Variants in ATAD5 observed in about 807,000 individuals in gnomAD.
The protein encoded by ATAD5 is ATPase family AAA domain containing 5, also known as ATPase family AAA domain-containing protein 5.
In ATAD5, 58 loss-of-function variants were observed where a neutral mutation model predicts 176.9. That is an observed-to-expected ratio of 0.33 (90% CI 0.27 to 0.41). ATAD5 has a LOEUF of 0.41. Among genes scored for constraint, ATAD5 ranks in the 10% least tolerant of loss-of-function variants. The pLI is 1.00. For synonymous variants in ATAD5, 640 were observed against 712.6 expected, an observed-to-expected ratio of 0.90 and a Z score of 1.62; for missense variants, 1,789 against 2,094.1, an observed-to-expected ratio of 0.85 and a Z score of 2.84.
intron 6 of ATAD5, among the ~76,000 whole-genome samples, chr17:30,848,012 G>T (rs892785150): frequency 1.3e-5 from 2 of 152,086 alleles, no homozygotes; most frequent in East Asian, 3.9e-4. Context: ...GAGCCACCGC[G>T]CTCCGCCTGA....
Position 30,835,311 on chromosome 17 carries a change from A to C in ATAD5, c.1230A>C (p.Pro410=). The C allele has an allele frequency of 1.9e-6, 3 of 1,614,106 alleles. No individual in the cohort carries two copies. Among genetic ancestry groups the C allele is most frequent in the Non-Finnish European group, 1.7e-6 (2 of 1,180,012 alleles). Residue 410 remains proline, a synonymous_variant, in exon 2 of 23, where the codon CCA becomes CCC. Transcript: ENST00000321990. ...AATTTATGAAAGCATTTAGGCAGCC[A>C]GCATCAGATGCACTTAAAAATGGAG... is the stretch of plus-strand genomic sequence containing the variant. ...RQQFMKAFRQ[P]ASDALKNGVK...
In ATAD5 at chr17:30,855,184, G is replaced by A. The variant is rs752287873; in HGVS notation, c.2492G>A (p.Cys831Tyr). 1.9e-6 allele frequency: 3 copies of A among 1,612,122 alleles called. No individual in the cohort carries two copies. Among genetic ancestry groups the A allele is most frequent in the East Asian group, 2.2e-5 (1 of 44,882 alleles). The change falls in exon 7 of 23, where the codon TGT becomes TAT. Residue 831 changes from cysteine (C) to tyrosine (Y), a missense_variant. By Grantham distance (194) the Cys-to-Tyr change is radical. This residue lies in a region of ATAD5 where 487 missense variants were observed against 573.6 expected (regional missense o/e 0.85). Coordinates refer to ENST00000321990, the MANE Select transcript of ATAD5 (RefSeq NM_024857.5). ...SEKSQDCDVQ[C>Y]KAKRDFLMSG... ...AAATCTCAGGATTGTGATGTTCAAT[G>A]TAAAGCAAAGCGTGACTTCCTAATG...
At chr17:30,845,889 G>A (rs559652264) in intron 6 of ATAD5, among the ~76,000 whole-genome samples, 1 of 152,244 alleles carries the variant, frequency 6.6e-6, no homozygotes, top group Non-Finnish European at 1.5e-5. Context: ...GTGAGAGTGT[G>A]GGAGAGGAAG....
At chr17:30,858,012 G>A in intron 8 of ATAD5, 149 bp from the exon 9 acceptor site, 2 of 568,268 alleles carry the variant, frequency 3.5e-6, no homozygotes, top group East Asian at 3.6e-5. Context: ...CCAAAGTGCT[G>A]GGAATATAGG....
intron 18 of ATAD5, among the ~76,000 whole-genome samples, chr17:30,886,080 C>T (rs1273799662): frequency 6.6e-6 from 1 of 151,710 alleles, no homozygotes; most frequent in East Asian, 1.9e-4. Flanking sequence ...GATGTATTAT[C>T]CACTTTATAT....
intron 6 of ATAD5, among the ~76,000 whole-genome samples, chr17:30,852,137 GTCTCC>G (rs889350466): frequency 6.6e-6 from 1 of 152,030 alleles, no homozygotes; most frequent in African/African-American, 2.4e-5. Context: ...GAGCTTTTTT[GTCTCC>G]TCAGTTTATC....
At chr17:30,843,874 T>C (rs1171787233) in intron 4 of ATAD5, 39 bp from the exon 5 acceptor site, 3 of 1,135,544 alleles carry the variant, frequency 2.6e-6, no homozygotes, top group African/African-American at 3.2e-5. Context: ...ATATTAATTA[T>C]ATGATTTAAT....
At chr17:30,884,787 G>T (rs1462622723) in intron 18 of ATAD5, among the ~76,000 whole-genome samples, 1 of 129,636 alleles carries the variant, frequency 7.7e-6, no homozygotes, top group Non-Finnish European at 1.6e-5. Flanking sequence ...TTGCTGTGTC[G>T]CCCAGGCTGG....
intron 14 of ATAD5, among the ~76,000 whole-genome samples, chr17:30,875,933 C>G (rs923573022): frequency 1.3e-5 from 2 of 151,428 alleles, no homozygotes; most frequent in African/African-American, 4.9e-5. Context: ...GTCAGGAGAT[C>G]GAGACCATCC....
intron 20 of ATAD5, 118 bp from the exon 21 acceptor site, chr17:30,893,175 GA>G: frequency 9.9e-7 from 1 of 1,007,146 alleles, no homozygotes; most frequent in Non-Finnish European, 1.4e-6. Flanking sequence ...ATAAAATTAT[GA>G]GGGGTAGTGA....
chr17:30,895,391 G>GT lies in ATAD5; in HGVS notation c.*486dup, dbSNP rs36112780. The GT allele has an allele frequency of 0.22, 32,467 of 144,590 alleles. 5,089 individuals carry two copies. The highest frequency in any genetic ancestry group is 0.74 in the East Asian group (3,658 of 4,956). The allele number at this position is 144,590 out of a possible 1,614,324, so 9.0% of individuals were successfully genotyped here. A position where few individuals can be genotyped will look rare whatever the true frequency, so the allele number is the denominator to read the frequency against. ...AAGTTAAGGATCCTCATATTGTACA[G>GT]TTTTTTTTGTGTGCTTTTTTTTTTT... On this transcript the variant is annotated 3_prime_UTR_variant, in exon 23 of 23. Coordinates refer to ENST00000321990, the MANE Select transcript of ATAD5 (RefSeq NM_024857.5).
chr17:30,849,714 A>G (rs1199140155), intron 6 of ATAD5, among the ~76,000 whole-genome samples: 2 of 152,174 alleles, frequency 1.3e-5, no homozygotes, highest in East Asian at 3.8e-4. Flanking sequence ...TTGCAAATAT[A>G]TTACCTTGCC....
At chr17:30,890,420 T>C (rs1279762255) in intron 19 of ATAD5, among the ~76,000 whole-genome samples, 2 of 131,664 alleles carry the variant, frequency 1.5e-5, no homozygotes, top group East Asian at 4.3e-4. Flanking sequence ...CTTCTTTTCT[T>C]TTTTTTTTTT....
intron 8 of ATAD5, among the ~76,000 whole-genome samples, chr17:30,857,865 C>G (rs1166747208): frequency 1.3e-5 from 2 of 151,692 alleles, no homozygotes; most frequent in Non-Finnish European, 2.9e-5. Context: ...CTCAGCTCCC[C>G]CTAGTAGCTG....
chr17:30,870,022 G>A (rs1220116627), intron 14 of ATAD5, among the ~76,000 whole-genome samples: 1 of 152,094 alleles, frequency 6.6e-6, no homozygotes, highest in Non-Finnish European at 1.5e-5. Context: ...GTTGATGTGG[G>A]AGGTTCACTT....
Position 30,875,217 on chromosome 17 carries a change from C to G in ATAD5, c.3608-1157C>G, listed in dbSNP as rs573534448. Among the ~76,000 whole-genome samples, 12 of 152,112 alleles carry G rather than the reference C, an allele frequency of 7.9e-5. 1 individual carries two copies. In the South Asian group the frequency reaches 2.3e-3, roughly 29 times the overall value. ...ATTTGTAAGGACTAAATCCAGGTAC[C>G]TAGAGGGGAAGAGAGGATGTATTAT... On this transcript the variant is annotated intron_variant, in intron 14 of 22. Coordinates refer to ENST00000321990, the MANE Select transcript of ATAD5 (RefSeq NM_024857.5).
intron 19 of ATAD5, among the ~76,000 whole-genome samples, chr17:30,890,838 C>G (rs1395608693): frequency 6.6e-6 from 1 of 151,718 alleles, no homozygotes; most frequent in Non-Finnish European, 1.5e-5. Flanking sequence ...CACAGTTAGA[C>G]CTTTATGCAT....
rs113861940 is a variant in ATAD5 at position 30,863,656 on chromosome 17, G to T, written c.3137-2048G>T. Among the ~76,000 whole-genome samples the T allele has an allele frequency of 6.6e-3, 936 of 141,240 alleles. 6 individuals carry two copies. Among genetic ancestry groups the T allele is most frequent in the Middle Eastern group, 0.02 (5 of 246 alleles). The allele number at this position is 141,240 out of a possible 152,430, so 92.7% of individuals were successfully genotyped here. A position where few individuals can be genotyped will look rare whatever the true frequency, so the allele number is the denominator to read the frequency against. On this transcript the variant is annotated intron_variant, in intron 10 of 22. Coordinates refer to ENST00000321990, the MANE Select transcript of ATAD5 (RefSeq NM_024857.5). ...GCTGGGATTACAGGCGTGAGCCACCGCGTCCGGCTTTTTTTTTTTTTTTTT... is the reference window on the plus strand; with the variant it reads ...GCTGGGATTACAGGCGTGAGCCACCTCGTCCGGCTTTTTTTTTTTTTTTTT...
At chr17:30,891,573 A>G (rs796324201) in intron 19 of ATAD5, among the ~76,000 whole-genome samples, 32 of 152,050 alleles carry the variant, frequency 2.1e-4, no homozygotes, top group African/African-American at 7.7e-4. Flanking sequence ...GGGTTTTGCC[A>G]TATTGGCCAG....
Sources: gnomAD v4.1 joint callset for allele counts (sites outside exome capture counted in the v4.1 genomes callset) on GRCh38, gnomAD v4.1.1 for gene constraint, gnomAD v4.1.1 regional missense constraint, MANE v1.5 for transcripts, NCBI Gene and HGNC (gene_info 2026-07-23, HGNC 2026-07-21) for gene names.